DOK6: variants seen among roughly 807,000 people sequenced by gnomAD.
DOK6 encodes docking protein 6.
DOK6 carries 22 observed loss-of-function variants against 44.0 expected under a neutral mutation model. That is an observed-to-expected ratio of 0.50 (90% CI 0.36 to 0.71). The LOEUF (loss-of-function observed/expected upper bound fraction) is 0.71, where lower values mean the gene tolerates loss of function less well. Among genes scored for constraint, DOK6 ranks in the 30% least tolerant of loss-of-function variants. The pLI is 0.00. For missense variants in DOK6, 340 were observed against 416.4 expected (o/e 0.82, Z 1.60); for synonymous variants, 166 against 145.5 (o/e 1.14, Z -1.01).
At chr18:69,414,568 A>T (rs1347928047) in intron 1 of DOK6, among the ~76,000 whole-genome samples, 1 of 152,100 alleles carries the variant, frequency 6.6e-6, no homozygotes, top group Non-Finnish European at 1.5e-5. Context: ...GGTTATGGAC[A>T]GGAAAGAGGG....
intron 1 of DOK6, among the ~76,000 whole-genome samples, chr18:69,417,145 C>T (rs1978362262): frequency 6.6e-6 from 1 of 152,042 alleles, no homozygotes; most frequent in Non-Finnish European, 1.5e-5. Context: ...ACTATAGTCA[C>T]CCTATTGAAC....
chr18:69,804,366 CT>C (rs753099240), intron 7 of DOK6, among the ~76,000 whole-genome samples: 1 of 152,076 alleles, frequency 6.6e-6, no homozygotes, highest in Non-Finnish European at 1.5e-5. Flanking sequence ...AGAAAATCTC[CT>C]TTCAATTATA....
intron 1 of DOK6, among the ~76,000 whole-genome samples, chr18:69,419,678 T>G (rs887837674): frequency 6.6e-6 from 1 of 152,080 alleles, no homozygotes; most frequent in Admixed American, 6.6e-5. Context: ...GGATATATGC[T>G]AATAAGAAAT....
At chr18:69,491,465 G>A (rs1189469592) in intron 1 of DOK6, among the ~76,000 whole-genome samples, 1 of 152,112 alleles carries the variant, frequency 6.6e-6, no homozygotes, top group East Asian at 1.9e-4. Context: ...TCCTTCTAGC[G>A]AACATAGTTC....
intron 7 of DOK6, among the ~76,000 whole-genome samples, chr18:69,838,203 A>G (rs1363316222): frequency 1.3e-5 from 2 of 151,610 alleles, no homozygotes; most frequent in Admixed American, 1.3e-4. Context: ...AAGCTGCCTC[A>G]GCATTTGTTC....
At chr18:69,571,068 T>C (rs151027752) in intron 2 of DOK6, among the ~76,000 whole-genome samples, 24 of 152,132 alleles carry the variant, frequency 1.6e-4, no homozygotes, top group African/African-American at 5.8e-4. Context: ...GAATATTTAA[T>C]ATATGTGATA....
chr18:69,515,276 G>A (rs12969044), intron 1 of DOK6, among the ~76,000 whole-genome samples: 93,291 of 151,610 alleles, frequency 0.62, 29,347 homozygotes, highest in Non-Finnish European at 0.69. Flanking sequence ...AAAATTGTCC[G>A]TATGTTTGTG....
intron 7 of DOK6, among the ~76,000 whole-genome samples, chr18:69,826,874 A>T (rs1321979855): frequency 1.3e-5 from 2 of 152,148 alleles, no homozygotes; most frequent in Admixed American, 1.3e-4. Flanking sequence ...TTCTGGTCCC[A>T]TTCTTATATA....
At chr18:69,408,246 C>A (rs1467058398) in intron 1 of DOK6, among the ~76,000 whole-genome samples, 1 of 152,118 alleles carries the variant, frequency 6.6e-6, no homozygotes, top group Non-Finnish European at 1.5e-5. Context: ...TCTTTGGTAT[C>A]TTGGTTTAAA....
intron 7 of DOK6, among the ~76,000 whole-genome samples, chr18:69,758,866 AAG>A (rs747743946): frequency 7.9e-4 from 120 of 151,540 alleles, no homozygotes; most frequent in Non-Finnish European, 1.3e-3. Context: ...TTTTGACAAA[AAG>A]AAATATTTCC....
At chr18:69,461,540 T>G (rs1979788381) in intron 1 of DOK6, among the ~76,000 whole-genome samples, 1 of 152,190 alleles carries the variant, frequency 6.6e-6, no homozygotes, top group African/African-American at 2.4e-5. Flanking sequence ...TCCTCCCAGC[T>G]TTTCTCTGAA....
intron 7 of DOK6, among the ~76,000 whole-genome samples, chr18:69,834,216 G>A (rs1981979090): frequency 6.6e-6 from 1 of 152,150 alleles, no homozygotes; most frequent in Non-Finnish European, 1.5e-5. Context: ...ATGAGATCCT[G>A]TCATTTGCAG....
At chr18:69,612,413 G>A (rs917618228) in intron 3 of DOK6, among the ~76,000 whole-genome samples, 2 of 146,508 alleles carry the variant, frequency 1.4e-5, no homozygotes, top group African/African-American at 5.0e-5. Context: ...GTGCGAGGGC[G>A]CATGTGTGCG....
At chr18:69,721,077 G>A (rs978345499) in intron 5 of DOK6, among the ~76,000 whole-genome samples, 1 of 152,080 alleles carries the variant, frequency 6.6e-6, no homozygotes, top group Non-Finnish European at 1.5e-5. Flanking sequence ...GCCTTCTTCA[G>A]TTCATAAAAA....
At chr18:69,666,936 C>G (rs1024562284) in intron 3 of DOK6, among the ~76,000 whole-genome samples, 3 of 152,166 alleles carry the variant, frequency 2.0e-5, no homozygotes, top group African/African-American at 7.2e-5. Context: ...GTCTGCCTAT[C>G]TGCAGGCTCC....
intron 2 of DOK6, among the ~76,000 whole-genome samples, chr18:69,580,230 C>G (rs1322204338): frequency 1.3e-5 from 2 of 152,144 alleles, no homozygotes; most frequent in Admixed American, 6.5e-5. Context: ...AGAGAAAAAT[C>G]TGCTTCAAAG....
chr18:69,441,892 T>C (rs1344770757), intron 1 of DOK6, among the ~76,000 whole-genome samples: 3 of 151,998 alleles, frequency 2.0e-5, no homozygotes, highest in African/African-American at 7.3e-5. Context: ...GCATTTTGGA[T>C]ATTGAGAGAA....
chr18:69,791,600 T>C (rs1455628627), intron 7 of DOK6, among the ~76,000 whole-genome samples: 3 of 152,198 alleles, frequency 2.0e-5, no homozygotes, highest in Admixed American at 1.3e-4. Context: ...AAAATCAGAT[T>C]ACTAGATTTT....
intron 1 of DOK6, among the ~76,000 whole-genome samples, chr18:69,531,318 G>A (rs1026014946): frequency 6.7e-6 from 1 of 148,410 alleles, no homozygotes; most frequent in African/African-American, 2.5e-5. Flanking sequence ...GAAAGAAGGG[G>A]TATTTTCTTA....
Sources: gnomAD v4.1 joint callset for allele counts (sites outside exome capture counted in the v4.1 genomes callset) on GRCh38, gnomAD v4.1.1 for gene constraint, MANE v1.5 for transcripts, NCBI Gene and HGNC (gene_info 2026-07-23, HGNC 2026-07-21) for gene names.